The following GALNT17 variants were observed in gnomAD, a reference collection of about 807,000 sequenced individuals.
GALNT17 encodes polypeptide N-acetylgalactosaminyltransferase 17, also known as UDP-GalNAc:polypeptide N-acetylgalactosaminyltransferase-like 3.
In GALNT17, 29 loss-of-function variants were observed where a neutral mutation model predicts 63.7. That is an observed-to-expected ratio of 0.46 (90% CI 0.34 to 0.62). The LOEUF is 0.62. Ranked by LOEUF, GALNT17 falls within the 20% of genes least tolerant of loss-of-function variation. GALNT17 has a pLI of 0.01. For synonymous variants in GALNT17, 305 were observed against 318.3 expected (o/e 0.96, Z 0.45); for missense variants, 603 against 799.6 (o/e 0.75, Z 2.97).
intron 1 of GALNT17, among the ~76,000 whole-genome samples, chr7:71,320,796 G>A (rs1357385602): frequency 2.0e-5 from 3 of 152,086 alleles, no homozygotes; most frequent in South Asian, 2.1e-4. Context: ...AGGGTGATCC[G>A]TTTTTGTTCT....
At chr7:71,693,182 T>G (rs1791481737) in intron 9 of GALNT17, among the ~76,000 whole-genome samples, 1 of 147,920 alleles carries the variant, frequency 6.8e-6, no homozygotes, top group Non-Finnish European at 1.5e-5. Flanking sequence ...ATAATATAAA[T>G]AGTGTGTGTG....
intron 1 of GALNT17, among the ~76,000 whole-genome samples, chr7:71,156,597 C>CCTTCCTT (rs1788239169): frequency 6.7e-6 from 1 of 149,662 alleles, no homozygotes. Context: ...TTCCTTCCTT[C>CCTTCCTT]CTTCCTTCCT....
chr7:71,664,270 G>A (rs1790950620), intron 6 of GALNT17, among the ~76,000 whole-genome samples: 1 of 152,152 alleles, frequency 6.6e-6, no homozygotes, highest in East Asian at 1.9e-4. Context: ...GCTTCCAGAA[G>A]GCTTGGCATC....
chr7:71,226,907 C>T (rs1789689983), intron 1 of GALNT17, among the ~76,000 whole-genome samples: 2 of 152,064 alleles, frequency 1.3e-5, no homozygotes, highest in Admixed American at 1.3e-4. Flanking sequence ...TTTGCCCTGC[C>T]CCCTTCCTAT....
chr7:71,388,478 G>A (rs1792991098), intron 3 of GALNT17, 77 bp downstream of exon 3: 9 of 1,524,954 alleles, frequency 5.9e-6, no homozygotes, highest in South Asian at 4.9e-5. Context: ...ACGCGAGCCC[G>A]AGCATCTGTG....
chr7:71,336,753 G>A (rs1234001205), intron 2 of GALNT17, among the ~76,000 whole-genome samples: 1 of 152,166 alleles, frequency 6.6e-6, no homozygotes, highest in Non-Finnish European at 1.5e-5. Flanking sequence ...TGGGCATTTA[G>A]GTTGATTCCA....
At chr7:71,479,378 T>C (rs1159426203) in intron 5 of GALNT17, among the ~76,000 whole-genome samples, 1 of 152,210 alleles carries the variant, frequency 6.6e-6, no homozygotes, top group Non-Finnish European at 1.5e-5. Flanking sequence ...AGGCTCTGCC[T>C]TAACATATTC....
intron 6 of GALNT17, among the ~76,000 whole-genome samples, chr7:71,597,955 T>A (rs960361548): frequency 1.3e-5 from 2 of 152,076 alleles, no homozygotes; most frequent in African/African-American, 4.8e-5. Flanking sequence ...TTTCCTTTTT[T>A]TTTTTTTGAG....
intron 2 of GALNT17, among the ~76,000 whole-genome samples, chr7:71,351,213 G>T: frequency 6.6e-6 from 1 of 152,102 alleles, no homozygotes; most frequent in South Asian, 2.1e-4. Context: ...TGGACAGAAA[G>T]AATAGTGCCT....
At chr7:71,561,364 G>T (rs774608564) in intron 5 of GALNT17, among the ~76,000 whole-genome samples, 1 of 152,118 alleles carries the variant, frequency 6.6e-6, no homozygotes, top group African/African-American at 2.4e-5. Context: ...AGAAGTTGGC[G>T]GTACTACGAA....
intron 1 of GALNT17, among the ~76,000 whole-genome samples, chr7:71,146,707 T>A (rs1210653831): frequency 6.6e-6 from 1 of 152,190 alleles, no homozygotes; most frequent in Admixed American, 6.5e-5. Context: ...CTCACCGGTC[T>A]TTAGACTGCT....
intron 3 of GALNT17, 75 bp downstream of exon 3, chr7:71,388,476 C>G: frequency 3.3e-6 from 5 of 1,536,804 alleles, no homozygotes; most frequent in Non-Finnish European, 4.4e-6. Flanking sequence ...CAACGCGAGC[C>G]CGAGCATCTG....
chr7:71,315,441 A>G (rs1213831108), intron 1 of GALNT17, among the ~76,000 whole-genome samples: 1 of 152,216 alleles, frequency 6.6e-6, no homozygotes, highest in Non-Finnish European at 1.5e-5. Context: ...CTTTGGAGGA[A>G]GTACCAGACT....
At chr7:71,419,721 T>TA (rs1786625262) in intron 4 of GALNT17, among the ~76,000 whole-genome samples, 1 of 152,174 alleles carries the variant, frequency 6.6e-6, no homozygotes, top group Admixed American at 6.5e-5. Context: ...TAGATGGCTG[T>TA]GCTCTCTGCC....
At chr7:71,412,411 C>T (rs115787279) in intron 3 of GALNT17, among the ~76,000 whole-genome samples, 2,588 of 151,636 alleles carry the variant, frequency 0.017, 80 homozygotes, top group African/African-American at 0.059. Context: ...CGCTCTGTTG[C>T]TGAGGCTTGA....
At chr7:71,206,990 C>T (rs900212176) in intron 1 of GALNT17, among the ~76,000 whole-genome samples, 1 of 152,072 alleles carries the variant, frequency 6.6e-6, no homozygotes, top group Non-Finnish European at 1.5e-5. Context: ...CCTGTAGTCC[C>T]AGCTACTTGA....
chr7:71,570,560 T>A (rs918875000), intron 5 of GALNT17, among the ~76,000 whole-genome samples: 2 of 152,070 alleles, frequency 1.3e-5, no homozygotes, highest in Admixed American at 1.3e-4. Flanking sequence ...ATCCCATCAC[T>A]CAGCTGTCAA....
rs1338549547 is a variant in GALNT17 at position 71,665,539 on chromosome 7, G to A, written c.1209G>A (p.Glu403=). 3 of 1,614,008 alleles carry A rather than the reference G, an allele frequency of 1.9e-6. No homozygotes were observed. The highest frequency in any genetic ancestry group is 4.5e-5 in the East Asian group (2 of 44,854). ...AGAGGAATGCTCTTCGCGTTGCTGA[G>A]GTCTGGATGGACGATTACAAGTCTC... The part of the protein sequence containing the change: ...YTKRNALRVA[E]VWMDDYKSHV... The change falls in exon 7 of 11, where the codon GAG becomes GAA. Residue 403 remains glutamate (E), a synonymous_variant. Coordinates refer to ENST00000333538, the MANE Select transcript of GALNT17 (RefSeq NM_022479.3).
intron 1 of GALNT17, among the ~76,000 whole-genome samples, chr7:71,162,404 TCATC>T (rs547638443): frequency 0.015 from 2,229 of 149,438 alleles, 16 homozygotes; most frequent in Non-Finnish European, 0.019. Flanking sequence ...TGAATTGAGT[TCATC>T]CATCCATCCA....
Sources: gnomAD v4.1 joint callset for allele counts (sites outside exome capture counted in the v4.1 genomes callset) on GRCh38, gnomAD v4.1.1 for gene constraint, MANE v1.5 for transcripts, NCBI Gene and HGNC (gene_info 2026-07-23, HGNC 2026-07-21) for gene names.